TAF3: variants seen among roughly 807,000 people sequenced by gnomAD.
TAF3 encodes transcription initiation factor TFIID subunit 3.
A neutral mutation model predicts 80.6 loss-of-function variants in TAF3; 7 were observed. That is an observed-to-expected ratio of 0.09 (90% CI 0.05 to 0.16). TAF3 has a LOEUF of 0.16. Ranked by LOEUF, TAF3 falls within the 10% of genes least tolerant of loss-of-function variation. The pLI is 1.00. For synonymous variants in TAF3, 444 were observed against 446.1 expected (o/e 1.00, Z 0.06); for missense variants, 921 against 1,140.2 (o/e 0.81, Z 2.77).
chr10:7,927,561 T>C (rs533119627), intron 2 of TAF3, among the ~76,000 whole-genome samples: 1 of 152,304 alleles, frequency 6.6e-6, no homozygotes, highest in South Asian at 2.1e-4. Flanking sequence ...TAACGTGGAA[T>C]CAGAATATTT....
chr10:7,852,137 T>C (rs1837033107), intron 2 of TAF3, among the ~76,000 whole-genome samples: 1 of 152,096 alleles, frequency 6.6e-6, no homozygotes, highest in South Asian at 2.1e-4. Context: ...CAGGCTGGAG[T>C]GCAGTGGTGT....
chr10:7,878,660 C>T (rs1837331477), intron 2 of TAF3, among the ~76,000 whole-genome samples: 1 of 152,050 alleles, frequency 6.6e-6, no homozygotes, highest in African/African-American at 2.4e-5. Flanking sequence ...AGGAAATTCC[C>T]TCTCTAGATG....
intron 2 of TAF3, among the ~76,000 whole-genome samples, chr10:7,947,671 C>T (rs371152433): frequency 6.6e-6 from 1 of 152,100 alleles, no homozygotes; most frequent in African/African-American, 2.4e-5. Flanking sequence ...TGAGAAGCAT[C>T]GAAGATGCCA....
intron 2 of TAF3, among the ~76,000 whole-genome samples, chr10:7,952,733 G>A (rs1044362530): frequency 2.6e-5 from 4 of 152,084 alleles, no homozygotes; most frequent in African/African-American, 9.7e-5. Flanking sequence ...AATTTCTTGT[G>A]TTATTGATTG....
rs184562471 is a variant in TAF3, at chr10:7,857,039, G to A, written c.409+32479G>A. ...GTTAATTTTCCCAACTTTCATGTCC[G>A]TAAGCAAACCACTGTTACAACTGAC... On this transcript the variant is annotated intron_variant, in intron 2 of 6. Transcript: ENST00000344293. 1.1e-4 allele frequency among the ~76,000 whole-genome samples: 16 copies of A among 152,216 alleles called. No individual in the cohort carries two copies. In the East Asian group the frequency reaches 2.1e-3, roughly 20 times the overall value.
At chr10:7,876,852 A>T (rs1837317006) in intron 2 of TAF3, among the ~76,000 whole-genome samples, 1 of 152,152 alleles carries the variant, frequency 6.6e-6, no homozygotes, top group East Asian at 1.9e-4. Flanking sequence ...GAAGTGCATG[A>T]TTCTTCCTCC....
chr10:7,841,094 G>T (rs546829806), intron 2 of TAF3, among the ~76,000 whole-genome samples: 2 of 152,060 alleles, frequency 1.3e-5, no homozygotes, highest in African/African-American at 2.4e-5. Flanking sequence ...CAGGTGATCC[G>T]CCCACCTCGG....
chr10:7,975,877 T>G (rs1316498424), intron 3 of TAF3, among the ~76,000 whole-genome samples: 1 of 152,222 alleles, frequency 6.6e-6, no homozygotes, highest in Non-Finnish European at 1.5e-5. Flanking sequence ...ATACATAAAT[T>G]AATGTTGCAG....
At position 8,015,238 on chromosome 10, in the gene TAF3, A is replaced by C. The variant is rs1832093167; in HGVS notation, c.*487A>C. The C allele has an allele frequency of 1.3e-5, 2 of 152,376 alleles. No homozygotes were observed. Among genetic ancestry groups the C allele is most frequent in the African/African-American group, 4.8e-5 (2 of 41,436 alleles). 9.4% of individuals were successfully genotyped at this position (152,376 alleles called of 1,614,324 possible). Reference sequence around the variant, plus strand: ...GAAAACTCCAGTTGGAGTACCGGTAAATATTTTTGTGATAAGAATATATGA... The same window carrying C: ...GAAAACTCCAGTTGGAGTACCGGTACATATTTTTGTGATAAGAATATATGA... On this transcript the variant is annotated 3_prime_UTR_variant, in exon 7 of 7. Coordinates refer to ENST00000344293, the MANE Select transcript of TAF3 (RefSeq NM_031923.4).
chr10:7,823,020 G>A (rs531871181), intron 1 of TAF3, among the ~76,000 whole-genome samples: 3 of 152,208 alleles, frequency 2.0e-5, no homozygotes, highest in Non-Finnish European at 4.4e-5. Context: ...GGTGAAGGTA[G>A]GAGGATGGCT....
chr10:7,884,152 T>C (rs1837386333), intron 2 of TAF3, among the ~76,000 whole-genome samples: 2 of 152,200 alleles, frequency 1.3e-5, no homozygotes, highest in Non-Finnish European at 2.9e-5. Flanking sequence ...ACATGAGTTT[T>C]GGAGGAGGCA....
At chr10:7,864,136 TTC>T (rs549573091) in intron 2 of TAF3, among the ~76,000 whole-genome samples, 87 of 152,292 alleles carry the variant, frequency 5.7e-4, no homozygotes, top group African/African-American at 2.0e-3. Flanking sequence ...GTGTTGTACA[TTC>T]TCTGTGTTTT....
chr10:8,008,036 C>G (rs1447112879), intron 4 of TAF3, among the ~76,000 whole-genome samples: 1 of 150,430 alleles, frequency 6.6e-6, no homozygotes, highest in African/African-American at 2.4e-5. Flanking sequence ...ATCACCAGGA[C>G]AGAAGCTGCC....
intron 2 of TAF3, among the ~76,000 whole-genome samples, chr10:7,889,685 A>G (rs1837440885): frequency 1.3e-5 from 2 of 152,182 alleles, no homozygotes; most frequent in African/African-American, 2.4e-5. Context: ...CCAAGAAGGA[A>G]TTAATTATTT....
chr10:7,850,766 C>T (rs979927424), intron 2 of TAF3, among the ~76,000 whole-genome samples: 4 of 151,930 alleles, frequency 2.6e-5, no homozygotes, highest in African/African-American at 9.7e-5. Flanking sequence ...AATACATATT[C>T]TAATATTTAA....
At chr10:7,996,188 C>G (rs1406975368) in intron 4 of TAF3, among the ~76,000 whole-genome samples, 2 of 152,172 alleles carry the variant, frequency 1.3e-5, no homozygotes, top group Non-Finnish European at 2.9e-5. Context: ...TGGCTCAGGT[C>G]TGTCTGCAAG....
chr10:7,868,356 G>A (rs1459093022), intron 2 of TAF3, among the ~76,000 whole-genome samples: 2 of 151,038 alleles, frequency 1.3e-5, no homozygotes, highest in African/African-American at 4.9e-5. Flanking sequence ...ATAGTGTCAA[G>A]CTCTAGTAAC....
rs567017668 is a variant in TAF3, at chr10:7,983,404, G to T, written c.2315+6081G>T. Among the ~76,000 whole-genome samples the T allele has an allele frequency of 7.9e-5, 12 of 152,340 alleles. No individual in the cohort carries two copies. The South Asian group carries it at 2.5e-3, about 32-fold the overall frequency. The stretch of plus-strand genomic sequence containing the variant: ...GTCAGTTTTGCATTTTTATAAAAGT[G>T]TCCTGGGGAGGCAGGGCAAAGAACC... On this transcript the variant is annotated intron_variant, in intron 4 of 6. Transcript: ENST00000344293.
chr10:7,912,983 T>C (rs1234204586), intron 2 of TAF3, among the ~76,000 whole-genome samples: 1 of 152,170 alleles, frequency 6.6e-6, no homozygotes, highest in Non-Finnish European at 1.5e-5. Context: ...TTCTGGAGAA[T>C]GGGAGTCTAG....
Sources: allele counts gnomAD v4.1 joint callset (sites outside exome capture counted in the v4.1 genomes callset), GRCh38; gene constraint gnomAD v4.1.1; transcripts MANE v1.5; gene names NCBI Gene and HGNC (gene_info 2026-07-23, HGNC 2026-07-21).